Variants in ASTN2 observed in about 807,000 individuals in gnomAD.
ASTN2 encodes the protein astrotactin-2.
ASTN2 carries 54 observed loss-of-function variants against 139.8 expected under a neutral mutation model. That is an observed-to-expected ratio of 0.39 (90% CI 0.31 to 0.48). ASTN2 has a LOEUF of 0.48. ASTN2 is among the 20% of genes least tolerant of loss of function. The probability of loss-of-function intolerance (pLI) is 0.95; values close to 1 mark genes in which losing one functional copy is unlikely to be tolerated. For missense variants in ASTN2, 1,565 were observed against 1,725.1 expected (o/e 0.91, Z 1.64); for synonymous variants, 756 against 719.5 (o/e 1.05, Z -0.81).
At chr9:116,718,693 AG>A (rs1231458430) in intron 16 of ASTN2, among the ~76,000 whole-genome samples, 4 of 151,854 alleles carry the variant, frequency 2.6e-5, no homozygotes, top group Admixed American at 1.3e-4. Flanking sequence ...GAATGTCTTG[AG>A]CTAGGACATT....
chr9:116,709,235 A>T (rs1391278237), intron 16 of ASTN2, among the ~76,000 whole-genome samples: 1 of 152,140 alleles, frequency 6.6e-6, no homozygotes, highest in Non-Finnish European at 1.5e-5. Context: ...AAAGTCTCCC[A>T]CCACCACCCT....
At chr9:117,106,772 A>G (rs1829115281) in intron 4 of ASTN2, among the ~76,000 whole-genome samples, 1 of 147,270 alleles carries the variant, frequency 6.8e-6, no homozygotes, top group Non-Finnish European at 1.5e-5. Context: ...TGTAAAAAAT[A>G]TCTATCTATC....
At chr9:117,183,532 C>T (rs150615970) in intron 3 of ASTN2, among the ~76,000 whole-genome samples, 155 of 152,230 alleles carry the variant, frequency 1.0e-3, no homozygotes, top group East Asian at 8.1e-3. Context: ...ATTTTAGAAA[C>T]GAGGACAGTG....
At chr9:117,303,006 A>G (rs1834913138) in intron 1 of ASTN2, among the ~76,000 whole-genome samples, 1 of 152,150 alleles carries the variant, frequency 6.6e-6, no homozygotes, top group Non-Finnish European at 1.5e-5. Flanking sequence ...TTCTGCATAC[A>G]TGGATGTTAC....
chr9:116,862,613 T>C lies in ASTN2; in HGVS notation c.2040+970A>G, dbSNP rs114251014. ...AGAAAAGGTTCTGAGGCATGAAACA[T>C]GCAGGCAAGTTCATAGAACTCCATC... On this transcript the variant is annotated intron_variant, in intron 11 of 22. Transcript: ENST00000313400. Among the ~76,000 whole-genome samples the C allele has an allele frequency of 4.2e-3, 646 of 152,240 alleles. 5 individuals carry two copies. The highest frequency in any genetic ancestry group is 0.015 in the African/African-American group (624 of 41,544).
chr9:116,521,314 A>G (rs542624207), intron 19 of ASTN2, among the ~76,000 whole-genome samples: 1 of 152,296 alleles, frequency 6.6e-6, no homozygotes, highest in East Asian at 1.9e-4. Context: ...AGACAAATGG[A>G]ATGGAAAGAA....
At chr9:117,235,086 T>C (rs751410571) in intron 2 of ASTN2, among the ~76,000 whole-genome samples, 4 of 152,012 alleles carry the variant, frequency 2.6e-5, no homozygotes, top group South Asian at 2.1e-4. Context: ...ATAAAAAAAT[T>C]AGCTGAGCAT....
chr9:117,201,976 G>C (rs1254074548), intron 3 of ASTN2, among the ~76,000 whole-genome samples: 2 of 152,180 alleles, frequency 1.3e-5, no homozygotes, highest in Admixed American at 1.3e-4. Flanking sequence ...GGGAGTCTAA[G>C]TCTCATCATA....
chr9:116,948,691 ATGTGTGAGTGTGTGTGTG>A (rs1167024268), intron 10 of ASTN2, among the ~76,000 whole-genome samples: 1 of 76,806 alleles, frequency 1.3e-5, no homozygotes, highest in Non-Finnish European at 2.9e-5. Flanking sequence ...TTTGACTTAT[ATGTGTGAGTGTGTGTGTG>A]TGTGTGTGTG....
intron 3 of ASTN2, among the ~76,000 whole-genome samples, chr9:117,167,708 CATTGACTCTAATCTCAAGAACTT>C (rs1564458459): frequency 1.3e-5 from 2 of 152,086 alleles, no homozygotes; most frequent in African/African-American, 4.8e-5. Flanking sequence ...ACAAGGAAGA[CATTGACTCTAATCTCAAGAACTT>C]ATGTTACAGA....
At chr9:116,886,620 C>A (rs1038030775) in intron 10 of ASTN2, among the ~76,000 whole-genome samples, 3 of 152,124 alleles carry the variant, frequency 2.0e-5, no homozygotes, top group Non-Finnish European at 4.4e-5. Context: ...TCCCACTCAG[C>A]CTTCCCTAAG....
At chr9:116,885,643 G>T in intron 10 of ASTN2, among the ~76,000 whole-genome samples, 1 of 152,138 alleles carries the variant, frequency 6.6e-6, no homozygotes, top group East Asian at 1.9e-4. Context: ...TCCAGCCTGG[G>T]TGACAGAGCA....
intron 19 of ASTN2, among the ~76,000 whole-genome samples, chr9:116,570,692 C>T (rs1162612336): frequency 3.3e-5 from 5 of 152,192 alleles, no homozygotes; most frequent in South Asian, 4.1e-4. Context: ...CCACCGCGCC[C>T]GGCTGAGTCT....
intron 19 of ASTN2, among the ~76,000 whole-genome samples, chr9:116,577,914 A>G (rs568938605): frequency 1.3e-3 from 198 of 152,226 alleles, no homozygotes; most frequent in Non-Finnish European, 2.4e-3. Flanking sequence ...GTGACCAGAG[A>G]TAAGGGTGGG....
At chr9:117,215,690 A>G (rs1329920880) in intron 2 of ASTN2, among the ~76,000 whole-genome samples, 1 of 152,076 alleles carries the variant, frequency 6.6e-6, no homozygotes, top group Non-Finnish European at 1.5e-5. Flanking sequence ...CATGAGCTTG[A>G]AGTTGAGGGT....
intron 10 of ASTN2, among the ~76,000 whole-genome samples, chr9:116,924,666 G>A (rs1554761328): frequency 6.6e-6 from 1 of 152,112 alleles, no homozygotes; most frequent in Non-Finnish European, 1.5e-5. Context: ...CAGTCATGGT[G>A]CTGGTGGGAG....
At chr9:117,142,669 C>T (rs537621544) in intron 3 of ASTN2, among the ~76,000 whole-genome samples, 9 of 151,298 alleles carry the variant, frequency 5.9e-5, no homozygotes, top group African/African-American at 1.7e-4. Flanking sequence ...GTCAGAAGGG[C>T]AGAGAGAAAA....
intron 4 of ASTN2, among the ~76,000 whole-genome samples, chr9:117,097,368 T>C (rs542296957): frequency 6.6e-6 from 1 of 152,370 alleles, no homozygotes; most frequent in Non-Finnish European, 1.5e-5. Context: ...TGTTTTATTG[T>C]TATCTTTGTG....
At position 116,805,141 on chromosome 9, in the gene ASTN2, T is replaced by TGC. The variant is rs1554748933; in HGVS notation, c.2396+490_2396+491insGC. ...GTGTGTGTGTGTGTGTGTGTGTGTG[T>TGC]GTAGGCAGACAGGAAAAAACAGAGA... is the stretch of plus-strand genomic sequence containing the variant. On this transcript the variant is annotated intron_variant, in intron 13 of 22. Coordinates refer to ENST00000313400, the MANE Select transcript of ASTN2 (RefSeq NM_001365068.1). 2.5e-3 allele frequency among the ~76,000 whole-genome samples: 379 copies of TGC among 151,860 alleles called. 2 individuals carry two copies. Among genetic ancestry groups the TGC allele is most frequent in the African/African-American group, 9.0e-3 (372 of 41,378 alleles).
Sources: allele counts gnomAD v4.1 joint callset (sites outside exome capture counted in the v4.1 genomes callset), GRCh38; gene constraint gnomAD v4.1.1; transcripts MANE v1.5; gene names NCBI Gene and HGNC (gene_info 2026-07-23, HGNC 2026-07-21).